TAS2R1: variants seen among roughly 807,000 people sequenced by gnomAD.
TAS2R1 encodes taste 2 receptor member 1.
For missense variants in TAS2R1, 370 were observed against 353.4 expected (o/e 1.05, Z -0.38); for synonymous variants, 141 against 134.2 (o/e 1.05, Z -0.35).
the TAS2R1 span, among the ~76,000 whole-genome samples, chr5:9,804,890 G>A: frequency 6.6e-6 from 1 of 151,852 alleles, no homozygotes; most frequent in East Asian, 1.9e-4. Flanking sequence ...AAATAATCAA[G>A]ATCGAGCAGA....
At chr5:9,868,064 C>A in the TAS2R1 span, among the ~76,000 whole-genome samples, 11,967 of 152,234 alleles carry the variant, frequency 0.079, 600 homozygotes, top group African/African-American at 0.13. Flanking sequence ...AGGGTATAGA[C>A]CCCCTACTGG....
chr5:9,812,123 G>A, the TAS2R1 span, among the ~76,000 whole-genome samples: 120,323 of 151,842 alleles, frequency 0.79, 47,987 homozygotes, highest in East Asian at 0.87. Context: ...TCACCATTAT[G>A]TTTATCTGTA....
At chr5:9,898,459 C>T in the TAS2R1 span, among the ~76,000 whole-genome samples, 10 of 152,188 alleles carry the variant, frequency 6.6e-5, no homozygotes, top group African/African-American at 2.4e-4. Flanking sequence ...TAGGCCTATT[C>T]CTGCTGGCCT....
chr5:9,656,152 C>G (rs1740414511), intron 2 of TAS2R1, among the ~76,000 whole-genome samples: 1 of 152,184 alleles, frequency 6.6e-6, no homozygotes, highest in African/African-American at 2.4e-5. Flanking sequence ...AGCACAGTAC[C>G]TGGCACATAT....
At chr5:9,688,909 G>T (rs979055718) in intron 1 of TAS2R1, among the ~76,000 whole-genome samples, 1 of 152,136 alleles carries the variant, frequency 6.6e-6, no homozygotes, top group African/African-American at 2.4e-5. Flanking sequence ...TCTGCTTGGG[G>T]ACTGGCTGCT....
At chr5:9,848,082 C>T in the TAS2R1 span, among the ~76,000 whole-genome samples, 2 of 152,188 alleles carry the variant, frequency 1.3e-5, no homozygotes, top group African/African-American at 2.4e-5. Context: ...ACTACACCAT[C>T]CAACACAGAA....
the TAS2R1 span, among the ~76,000 whole-genome samples, chr5:9,741,096 C>A: frequency 6.6e-6 from 1 of 152,166 alleles, no homozygotes; most frequent in African/African-American, 2.4e-5. Flanking sequence ...ATCAACCAGC[C>A]TCTACCACTT....
chr5:9,819,186 G>A, the TAS2R1 span, among the ~76,000 whole-genome samples: 1 of 152,164 alleles, frequency 6.6e-6, no homozygotes, highest in Non-Finnish European at 1.5e-5. Context: ...GAGGATTGCT[G>A]AGAGAGATCT....
chr5:9,715,219 T>C (rs904589075), upstream of TAS2R1, among the ~76,000 whole-genome samples: 8 of 152,168 alleles, frequency 5.3e-5, no homozygotes, highest in Middle Eastern at 3.2e-3. Flanking sequence ...ATTTGGGGCA[T>C]ATGGAAGCAG....
the TAS2R1 span, among the ~76,000 whole-genome samples, chr5:9,805,288 A>G: frequency 6.6e-6 from 1 of 152,030 alleles, no homozygotes; most frequent in Non-Finnish European, 1.5e-5. Context: ...AGGACCAGGC[A>G]GATTCACAGC....
the TAS2R1 span, among the ~76,000 whole-genome samples, chr5:9,790,339 A>G: frequency 2.0e-5 from 3 of 152,220 alleles, no homozygotes; most frequent in Admixed American, 2.0e-4. Flanking sequence ...AAAAATATGT[A>G]AATTTTGGAG....
At chr5:9,826,766 G>T in the TAS2R1 span, among the ~76,000 whole-genome samples, 19 of 152,224 alleles carry the variant, frequency 1.2e-4, no homozygotes, top group South Asian at 4.1e-4. Context: ...CCCCAGTCTT[G>T]TTTGTCCCGT....
intron 1 of TAS2R1, among the ~76,000 whole-genome samples, chr5:9,661,817 A>G (rs930487569): frequency 6.6e-6 from 1 of 152,232 alleles, no homozygotes; most frequent in African/African-American, 2.4e-5. Context: ...ATATACACAC[A>G]TGTGCACCAA....
At chr5:9,682,009 G>T (rs1022199114) in intron 1 of TAS2R1, among the ~76,000 whole-genome samples, 2 of 152,108 alleles carry the variant, frequency 1.3e-5, no homozygotes, top group Admixed American at 1.3e-4. Context: ...GAAATCACCT[G>T]AGGACAAGGG....
At chr5:9,787,508 C>T in the TAS2R1 span, among the ~76,000 whole-genome samples, 1 of 152,150 alleles carries the variant, frequency 6.6e-6, no homozygotes, top group Non-Finnish European at 1.5e-5. Context: ...AAGAACTCTT[C>T]CCTTTGGAAG....
At chr5:9,830,413 A>G in the TAS2R1 span, among the ~76,000 whole-genome samples, 18 of 152,180 alleles carry the variant, frequency 1.2e-4, no homozygotes, top group Non-Finnish European at 2.2e-4. Flanking sequence ...GATATGATAG[A>G]CATAGAAAGA....
chr5:9,701,895 A>G (rs572459873), intron 1 of TAS2R1, among the ~76,000 whole-genome samples: 1 of 152,318 alleles, frequency 6.6e-6, no homozygotes, highest in East Asian at 1.9e-4. Context: ...AGAATGAACA[A>G]TTTCTTAATT....
At chr5:9,885,949 T>G in the TAS2R1 span, among the ~76,000 whole-genome samples, 4 of 152,142 alleles carry the variant, frequency 2.6e-5, no homozygotes, top group South Asian at 8.3e-4. Context: ...AAAGAAATGG[T>G]TTTTCATAGA....
the TAS2R1 span, among the ~76,000 whole-genome samples, chr5:9,848,515 T>C: frequency 6.6e-6 from 1 of 152,166 alleles, no homozygotes; most frequent in South Asian, 2.1e-4. Flanking sequence ...GCTCTGGTCA[T>C]CTATTGTACA....
Sources: allele counts gnomAD v4.1 joint callset (sites outside exome capture counted in the v4.1 genomes callset), GRCh38; gene constraint gnomAD v4.1.1; transcripts MANE v1.5; gene names NCBI Gene and HGNC (gene_info 2026-07-23, HGNC 2026-07-21).